The following FHIT variants were observed in gnomAD, a reference collection of about 807,000 sequenced individuals.
The protein encoded by FHIT is bis(5'-adenosyl)-triphosphatase.
A neutral mutation model predicts 17.9 loss-of-function variants in FHIT; 19 were observed. That is an observed-to-expected ratio of 1.06 (90% CI 0.74 to 1.56). The LOEUF (loss-of-function observed/expected upper bound fraction) is 1.56. Among genes scored for constraint, FHIT ranks in the 40% most tolerant of loss-of-function variants. FHIT has a pLI of 0.00. For synonymous variants in FHIT, 81 were observed against 69.7 expected, an observed-to-expected ratio of 1.16 and a Z score of -0.81; for missense variants, 248 against 189.2, an observed-to-expected ratio of 1.31 and a Z score of -1.82.
At chr3:60,607,342 G>A (rs781852578) in intron 4 of FHIT, among the ~76,000 whole-genome samples, 1 of 151,828 alleles carries the variant, frequency 6.6e-6, no homozygotes, top group Non-Finnish European at 1.5e-5. Flanking sequence ...TCACTTCCTC[G>A]GTGGGCCTCT....
intron 5 of FHIT, among the ~76,000 whole-genome samples, chr3:60,442,089 G>A (rs2030934812): frequency 6.6e-6 from 1 of 151,046 alleles, no homozygotes; most frequent in Non-Finnish European, 1.5e-5. Flanking sequence ...TGAACTTCTG[G>A]GCTCAAGCGA....
At chr3:60,818,853 G>A (rs1701824517) in intron 4 of FHIT, among the ~76,000 whole-genome samples, 1 of 152,000 alleles carries the variant, frequency 6.6e-6, no homozygotes, top group East Asian at 1.9e-4. Context: ...TCTATTGGAG[G>A]ATGGCCACCC....
chr3:61,202,208 G>A (rs1036480693), intron 1 of FHIT, among the ~76,000 whole-genome samples: 9 of 151,956 alleles, frequency 5.9e-5, no homozygotes, highest in South Asian at 2.1e-4. Flanking sequence ...CCCTCTGCCC[G>A]GCTGGCCAAC....
intron 3 of FHIT, among the ~76,000 whole-genome samples, chr3:61,002,684 T>C (rs982547318): frequency 2.7e-4 from 41 of 149,514 alleles, no homozygotes; most frequent in African/African-American, 9.8e-4. Flanking sequence ...AGTTTGTTTC[T>C]TTTTTTTTTA....
chr3:60,872,551 G>T (rs907505378), intron 3 of FHIT, among the ~76,000 whole-genome samples: 1 of 151,940 alleles, frequency 6.6e-6, no homozygotes, highest in Non-Finnish European at 1.5e-5. Flanking sequence ...TTTATAAGCT[G>T]GCCAGTTTTG....
At chr3:61,147,245 GACAAA>G (rs1466288723) in intron 2 of FHIT, among the ~76,000 whole-genome samples, 4 of 151,886 alleles carry the variant, frequency 2.6e-5, no homozygotes, top group African/African-American at 7.2e-5. Flanking sequence ...CTGTTGAGGC[GACAAA>G]ACAAAACAGA....
At chr3:60,094,598 A>T (rs375590637) in intron 5 of FHIT, among the ~76,000 whole-genome samples, 9 of 152,220 alleles carry the variant, frequency 5.9e-5, no homozygotes, top group African/African-American at 2.2e-4. Flanking sequence ...CTCTGACAGC[A>T]TCTCCTGTCA....
intron 3 of FHIT, among the ~76,000 whole-genome samples, chr3:60,976,068 A>G (rs145959969): frequency 2.4e-5 from 3 of 125,790 alleles, no homozygotes; most frequent in African/African-American, 9.1e-5. Flanking sequence ...ACCTCCAAAC[A>G]TACTTTGTAT....
At chr3:60,053,059 G>A (rs1413402597) in intron 5 of FHIT, among the ~76,000 whole-genome samples, 1 of 151,880 alleles carries the variant, frequency 6.6e-6, no homozygotes, top group Non-Finnish European at 1.5e-5. Context: ...GCTGACCAGT[G>A]AGAATGAGAA....
intron 5 of FHIT, among the ~76,000 whole-genome samples, chr3:60,131,225 T>C (rs981811634): frequency 2.0e-5 from 3 of 151,860 alleles, no homozygotes; most frequent in African/African-American, 7.3e-5. Context: ...CCTCCTCCCA[T>C]TAACTTTAAA....
intron 5 of FHIT, among the ~76,000 whole-genome samples, chr3:60,130,784 G>GTGTATATATATACACACATATATAT (rs148356992): frequency 9.0e-6 from 1 of 111,628 alleles, no homozygotes; most frequent in African/African-American, 3.0e-5. Context: ...GTGTGTGTGT[G>GTGTATATATATACACACATATATAT]GTGTGTATAT....
At chr3:60,654,337 AC>A in intron 4 of FHIT, among the ~76,000 whole-genome samples, 1 of 152,250 alleles carries the variant, frequency 6.6e-6, no homozygotes, top group South Asian at 2.1e-4. Flanking sequence ...AAGAAAGAAA[AC>A]CCATTCAATC....
chr3:60,115,899 T>G (rs966983941), intron 5 of FHIT, among the ~76,000 whole-genome samples: 2 of 152,170 alleles, frequency 1.3e-5, no homozygotes, highest in Non-Finnish European at 2.9e-5. Context: ...TGCATTTAGA[T>G]AGGAATTTTT....
intron 3 of FHIT, 136 bp downstream of exon 3, chr3:61,041,911 G>A (rs1323643667): frequency 6.6e-6 from 1 of 152,144 alleles, no homozygotes; most frequent in African/African-American, 2.4e-5. Flanking sequence ...GAGAACTGAA[G>A]GCTGTTTACC....
chr3:60,303,913 AG>A (rs1708553922), intron 5 of FHIT, among the ~76,000 whole-genome samples: 1 of 152,172 alleles, frequency 6.6e-6, no homozygotes, highest in Non-Finnish European at 1.5e-5. Flanking sequence ...ATTAATAGTA[AG>A]GAACACTGGT....
chr3:61,187,785 A>T (rs1330089793), intron 2 of FHIT, among the ~76,000 whole-genome samples: 1 of 152,236 alleles, frequency 6.6e-6, no homozygotes, highest in Non-Finnish European at 1.5e-5. Context: ...ACTCACTCAA[A>T]ACCGCTCAAT....
intron 5 of FHIT, among the ~76,000 whole-genome samples, chr3:60,437,492 C>T (rs1417021064): frequency 2.6e-5 from 4 of 152,078 alleles, no homozygotes; most frequent in Admixed American, 2.0e-4. Flanking sequence ...CCCGCCATGA[C>T]ACATCATCAT....
intron 3 of FHIT, among the ~76,000 whole-genome samples, chr3:60,930,269 G>A (rs1553771326): frequency 4.6e-5 from 7 of 152,234 alleles, no homozygotes; most frequent in African/African-American, 1.7e-4. Flanking sequence ...AACCCTAGAA[G>A]AAAACCTAGG....
chr3:60,985,244 C>T (rs538080808), intron 3 of FHIT, among the ~76,000 whole-genome samples: 1 of 152,096 alleles, frequency 6.6e-6, no homozygotes, highest in Non-Finnish European at 1.5e-5. Flanking sequence ...TGTTTGAATA[C>T]GTTCTGTGTT....
Sources: gnomAD v4.1 joint callset for allele counts (sites outside exome capture counted in the v4.1 genomes callset) on GRCh38, gnomAD v4.1.1 for gene constraint, MANE v1.5 for transcripts, NCBI Gene and HGNC (gene_info 2026-07-23, HGNC 2026-07-21) for gene names.